The following PHLDB2 variants were observed in gnomAD, a reference collection of about 807,000 sequenced individuals.
The protein encoded by PHLDB2 is pleckstrin homology-like domain family B member 2.
Under a neutral mutation model 123.6 loss-of-function variants are expected in PHLDB2, and 71 were observed. That is an observed-to-expected ratio of 0.57 (90% CI 0.47 to 0.70). The LOEUF is 0.70. Among genes scored for constraint, PHLDB2 ranks in the 30% least tolerant of loss-of-function variants. The probability of loss-of-function intolerance (pLI) is 0.00; values close to 1 mark genes in which losing one functional copy is unlikely to be tolerated. For synonymous variants in PHLDB2, 547 were observed against 541.6 expected (o/e 1.01, Z -0.14); for missense variants, 1,446 against 1,519.5 (o/e 0.95, Z 0.80).
chr3:111,746,307 A>C (rs1184139498), intron 1 of PHLDB2, among the ~76,000 whole-genome samples: 1 of 152,214 alleles, frequency 6.6e-6, no homozygotes, highest in Non-Finnish European at 1.5e-5. Flanking sequence ...TAGGTTCCAA[A>C]TGCTGAGACC....
intron 2 of PHLDB2, among the ~76,000 whole-genome samples, chr3:111,906,078 A>G (rs932262518): frequency 5.3e-5 from 8 of 152,340 alleles, no homozygotes; most frequent in Middle Eastern, 3.4e-3. Flanking sequence ...AGTACTTACC[A>G]TGGTGTTACA....
chr3:111,749,427 A>G (rs1319469517), intron 1 of PHLDB2, among the ~76,000 whole-genome samples: 2 of 152,180 alleles, frequency 1.3e-5, no homozygotes, highest in Non-Finnish European at 2.9e-5. Context: ...TCTTTGCACT[A>G]AATTATATTC....
At position 111,773,680 on chromosome 3, in the gene PHLDB2, A is replaced by G. The variant is rs148692358; in HGVS notation, c.-49+40977A>G. Among the ~76,000 whole-genome samples, 940 of 152,314 alleles carry G rather than the reference A, an allele frequency of 6.2e-3. 2 individuals are homozygous for G. The highest frequency in any genetic ancestry group is 0.022 in the African/African-American group (902 of 41,570). On this transcript the variant is annotated intron_variant, in intron 1 of 17. Coordinates refer to the PHLDB2 transcript ENST00000393923. ...AGAGTGCCTGTATGAGTAGGCACTT[A>G]ATAAACTTTTGTTGATTAAATAAAT...
chr3:111,829,995 G>T (rs1202798443), intron 1 of PHLDB2, among the ~76,000 whole-genome samples: 1 of 118,804 alleles, frequency 8.4e-6, no homozygotes, highest in Admixed American at 9.2e-5. Flanking sequence ...ATTCCTAAAA[G>T]ATTTAGATTC....
At chr3:111,845,255 T>C (rs988802387) in intron 1 of PHLDB2, among the ~76,000 whole-genome samples, 3 of 146,340 alleles carry the variant, frequency 2.1e-5, no homozygotes, top group Admixed American at 7.2e-5. Flanking sequence ...CTCAGGAGGC[T>C]GACGCAGGAG....
At chr3:111,789,420 G>A (rs1023617401) in intron 1 of PHLDB2, among the ~76,000 whole-genome samples, 1 of 152,138 alleles carries the variant, frequency 6.6e-6, no homozygotes, top group Non-Finnish European at 1.5e-5. Context: ...GATTATTTTA[G>A]AGGCCATAAA....
chr3:111,795,925 C>T (rs2061138411), intron 1 of PHLDB2, among the ~76,000 whole-genome samples: 1 of 152,130 alleles, frequency 6.6e-6, no homozygotes, highest in African/African-American at 2.4e-5. Flanking sequence ...TGTTTTGAGT[C>T]TCACTCTGTT....
chr3:111,830,431 TA>T (rs900312806), intron 1 of PHLDB2, among the ~76,000 whole-genome samples: 21 of 146,808 alleles, frequency 1.4e-4, no homozygotes, highest in East Asian at 1.0e-3. Flanking sequence ...AACAGTGATT[TA>T]AAAAAAAGAA....
chr3:111,885,160 GA>G lies in PHLDB2; in HGVS notation c.1084del (p.Thr362GlnfsTer64). The G allele has an allele frequency of 6.2e-7, 1 of 1,614,112 alleles. No individual in the cohort carries two copies. Among genetic ancestry groups the G allele is most frequent in the Non-Finnish European group, 8.5e-7 (1 of 1,180,024 alleles). Reference protein sequence around the residue: ...DDFDQASYVGTNPSHSLLAGE... With the variant: ...DDFDQASYVGXNPSHSLLAGE... ...ACTTTGATCAGGCTTCATATGTGGG[GA>G]CAAACCCGAGTCATTCACTTCTTGC... On this transcript the variant is annotated frameshift_variant, in exon 2 of 18. Coordinates refer to ENST00000431670, the MANE Select transcript of PHLDB2 (RefSeq NM_001134438.2). LOFTEE classifies it high-confidence loss of function.
chr3:111,974,658 C>G lies in PHLDB2; in HGVS notation c.*95C>G, dbSNP rs1232315664. On this transcript the variant is annotated 3_prime_UTR_variant, in exon 18 of 18. Transcript: ENST00000431670. The stretch of plus-strand genomic sequence containing the variant: ...CCCCAGATGAGAAAACCCAACAGAT[C>G]CATCCCTTGAGCTGTAAACACTCAG... 1.6e-6 allele frequency: 2 copies of G among 1,276,596 alleles called. No homozygotes were observed. Among genetic ancestry groups the G allele is most frequent in the Non-Finnish European group, 2.1e-6 (2 of 966,822 alleles). 79.1% of individuals were successfully genotyped at this position (1,276,596 alleles called of 1,614,324 possible).
chr3:111,924,584 A>G (rs772062431), intron 5 of PHLDB2, among the ~76,000 whole-genome samples: 103 of 152,042 alleles, frequency 6.8e-4, no homozygotes, highest in Non-Finnish European at 1.3e-3. Flanking sequence ...AAAGCGTAAG[A>G]CAGAAGGAGG....
intron 8 of PHLDB2, among the ~76,000 whole-genome samples, chr3:111,940,900 G>C (rs1204918940): frequency 1.3e-5 from 2 of 152,116 alleles, no homozygotes; most frequent in Non-Finnish European, 2.9e-5. Context: ...TGGAAAGTCT[G>C]TATTTTTAAA....
chr3:111,789,542 G>C (rs559425309), intron 1 of PHLDB2, among the ~76,000 whole-genome samples: 4 of 152,314 alleles, frequency 2.6e-5, no homozygotes, highest in African/African-American at 9.6e-5. Context: ...TGAGAGTGCA[G>C]ATTTTGGATT....
chr3:111,846,049 T>C (rs1001570340), intron 2 of PHLDB2: 109 of 1,103,670 alleles, frequency 9.9e-5, no homozygotes, highest in East Asian at 1.3e-4. Flanking sequence ...CCAGCAATCA[T>C]TGGGGAAGAG....
At chr3:111,813,748 T>A (rs536800779) in intron 1 of PHLDB2, among the ~76,000 whole-genome samples, 85 of 152,226 alleles carry the variant, frequency 5.6e-4, no homozygotes, top group Non-Finnish European at 1.0e-3. Context: ...GTTCTTGAGC[T>A]GAGTGAAGAA....
chr3:111,847,980 G>A (rs2108591418), intron 2 of PHLDB2, among the ~76,000 whole-genome samples: 1 of 152,224 alleles, frequency 6.6e-6, no homozygotes, highest in East Asian at 1.9e-4. Flanking sequence ...TTAAGAAGGA[G>A]GGCTGAGGGG....
Position 111,884,892 on chromosome 3 carries a change from T to G in PHLDB2, c.815T>G (p.Leu272Trp), listed in dbSNP as rs771544139. ...GAGAACCAGCTGACACCTCTCAGCTTGCCTCCAAGAAACTCTCTGGGCAAT... is the reference window on the plus strand; with the variant it reads ...GAGAACCAGCTGACACCTCTCAGCTGGCCTCCAAGAAACTCTCTGGGCAAT... ...ATENQLTPLSLPPRNSLGNSK... is the reference protein window; with the variant it reads ...ATENQLTPLSWPPRNSLGNSK... Residue 272 changes from leucine to tryptophan, a missense_variant, in exon 2 of 18, where the codon TTG becomes TGG. Transcript: ENST00000431670. 26 of 1,613,964 alleles carry G rather than the reference T, an allele frequency of 1.6e-5. No individual in the cohort carries two copies. The highest frequency in any genetic ancestry group is 2.1e-5 in the Non-Finnish European group (25 of 1,179,994).
At chr3:111,859,935 A>G in intron 1 of PHLDB2, 1 of 984,064 alleles carries the variant, frequency 1.0e-6, no homozygotes, top group Non-Finnish European at 1.2e-6. Context: ...TGTAGGGACA[A>G]AAGCCCGGGC....
At position 111,732,628 on chromosome 3, in the gene PHLDB2, G is replaced by A. The variant is rs77085054; in HGVS notation, c.-124G>A. 2,338 of 1,535,450 alleles carry A rather than the reference G, an allele frequency of 1.5e-3. 33 individuals are homozygous for A. The African/African-American group carries it at 0.029, about 19-fold the overall frequency. On this transcript the variant is annotated 5_prime_UTR_variant, in exon 1 of 18. Transcript: ENST00000393923. The stretch of plus-strand genomic sequence containing the variant: ...ATCCCACTCTCTTCAGCAATCGCTG[G>A]AACAGCCATGGGCCATCCCTGCTGA...
Sources: allele counts gnomAD v4.1 joint callset (sites outside exome capture counted in the v4.1 genomes callset), GRCh38; gene constraint gnomAD v4.1.1; transcripts MANE v1.5; gene names NCBI Gene and HGNC (gene_info 2026-07-23, HGNC 2026-07-21).